PPP1R12B: variants seen among roughly 807,000 people sequenced by gnomAD.
PPP1R12B encodes the protein myosin phosphatase target subunit 2.
In PPP1R12B, 76 loss-of-function variants were observed where a neutral mutation model predicts 126.1. The observed-to-expected ratio is 0.60, with a 90% CI of 0.50 to 0.73. The LOEUF is 0.73. Among genes scored for constraint, PPP1R12B ranks in the 30% least tolerant of loss-of-function variants. PPP1R12B has a pLI of 0.00. For synonymous variants in PPP1R12B, 356 were observed against 434.7 expected, an observed-to-expected ratio of 0.82 and a Z score of 2.25; for missense variants, 1,052 against 1,205.1, an observed-to-expected ratio of 0.87 and a Z score of 1.88.
chr1:202,410,693 G>C (rs1485690737), intron 1 of PPP1R12B, among the ~76,000 whole-genome samples: 1 of 152,200 alleles, frequency 6.6e-6, no homozygotes, highest in African/African-American at 2.4e-5. Flanking sequence ...GTAAAATCAA[G>C]TATTTTTCCT....
rs1330713251 is a variant in PPP1R12B, at chr1:202,588,934, G to C, written c.*8374G>C. 6.6e-6 allele frequency: 1 copy of C among 152,126 alleles called. No individual in the cohort carries two copies. The highest frequency in any genetic ancestry group is 2.1e-4 in the South Asian group (1 of 4,816). The allele number at this position is 152,126 out of a possible 1,614,324, so 9.4% of individuals were successfully genotyped here. ...ACGGTTATTTCTTGGAAGACACCAG[G>C]TTTAAGTGACAAAGGTGTTGAGGCC... On this transcript the variant is annotated 3_prime_UTR_variant, in exon 24 of 24. Transcript: ENST00000608999.
intron 18 of PPP1R12B, among the ~76,000 whole-genome samples, chr1:202,541,119 T>C (rs1254069774): frequency 1.3e-5 from 2 of 152,202 alleles, no homozygotes; most frequent in Non-Finnish European, 2.9e-5. Flanking sequence ...TTTCAGGAAC[T>C]AGATTGCGCT....
chr1:202,456,307 T>G (rs751823784), intron 13 of PPP1R12B, among the ~76,000 whole-genome samples: 4 of 150,428 alleles, frequency 2.7e-5, no homozygotes, highest in Non-Finnish European at 4.4e-5. Flanking sequence ...GAAAGAAATG[T>G]GAATGGTTTG....
At chr1:202,521,440 AAAATT>A (rs1682777553) in intron 18 of PPP1R12B, among the ~76,000 whole-genome samples, 1 of 152,238 alleles carries the variant, frequency 6.6e-6, no homozygotes, top group African/African-American at 2.4e-5. Context: ...AAAATAAGTT[AAAATT>A]CTCAATATAT....
Position 202,348,818 on chromosome 1 carries a change from G to A in PPP1R12B, c.-34G>A. 1.3e-6 allele frequency: 2 copies of A among 1,589,068 alleles called. No individual in the cohort carries two copies. Among genetic ancestry groups the A allele is most frequent in the East Asian group, 2.2e-5 (1 of 44,616 alleles). Reference sequence around the variant, plus strand: ...CGAGCCCCAACAGTAATTTAGTGTTGGTAGTTTTGGCAGCAGCTGCCGAGG... The same window carrying A: ...CGAGCCCCAACAGTAATTTAGTGTTAGTAGTTTTGGCAGCAGCTGCCGAGG... On this transcript the variant is annotated 5_prime_UTR_variant, in exon 1 of 24. Transcript: ENST00000608999.
chr1:202,396,003 G>C (rs906976321), intron 1 of PPP1R12B, among the ~76,000 whole-genome samples: 1 of 152,164 alleles, frequency 6.6e-6, no homozygotes, highest in Non-Finnish European at 1.5e-5. Flanking sequence ...TCTCTGGAAT[G>C]ATCATTTCAT....
chr1:202,456,248 G>A (rs1277255364), intron 13 of PPP1R12B, among the ~76,000 whole-genome samples: 11 of 150,368 alleles, frequency 7.3e-5, no homozygotes, highest in African/African-American at 2.5e-4. Flanking sequence ...CAGCCTGGGC[G>A]ACAGAGCAAG....
At chr1:202,555,893 T>A (rs1259768746) in intron 18 of PPP1R12B, among the ~76,000 whole-genome samples, 1 of 151,602 alleles carries the variant, frequency 6.6e-6, no homozygotes, top group African/African-American at 2.4e-5. Flanking sequence ...TTTTTTTTTT[T>A]GAGACAGAGT....
intron 10 of PPP1R12B, chr1:202,438,863 C>T: frequency 8.1e-7 from 1 of 1,230,432 alleles, no homozygotes. Flanking sequence ...ACTCCATCTA[C>T]TGCTATAGCC....
chr1:202,366,411 C>T (rs536551374), intron 1 of PPP1R12B, among the ~76,000 whole-genome samples: 14 of 149,420 alleles, frequency 9.4e-5, no homozygotes, highest in East Asian at 4.0e-4. Flanking sequence ...CCCAGCTACT[C>T]GGGAGGCTGA....
At chr1:202,430,651 A>G (rs2148660382) in intron 6 of PPP1R12B, 80 bp from the exon 7 acceptor site, 1 of 1,477,450 alleles carries the variant, frequency 6.8e-7, no homozygotes, top group South Asian at 1.2e-5. Flanking sequence ...GAATGACAGT[A>G]CCATTTTGGT....
intron 13 of PPP1R12B, among the ~76,000 whole-genome samples, chr1:202,459,635 GC>G (rs1328704868): frequency 6.6e-6 from 1 of 152,146 alleles, no homozygotes; most frequent in African/African-American, 2.4e-5. Context: ...GAATGCTGAG[GC>G]CCTAAGAGCA....
At chr1:202,349,905 G>T (rs1024397597) in intron 1 of PPP1R12B, among the ~76,000 whole-genome samples, 2 of 151,976 alleles carry the variant, frequency 1.3e-5, no homozygotes, top group African/African-American at 4.8e-5. Context: ...ATCTGTGCTT[G>T]GTAACGACAC....
At chr1:202,372,996 A>T (rs1660561805) in intron 1 of PPP1R12B, among the ~76,000 whole-genome samples, 2 of 151,686 alleles carry the variant, frequency 1.3e-5, no homozygotes, top group African/African-American at 4.8e-5. Flanking sequence ...GTACACTGGC[A>T]CTATCTTGGC....
rs113569795 is a variant in PPP1R12B at position 202,546,350 on chromosome 1, A to G, written c.2491-12527A>G. Among the ~76,000 whole-genome samples the G allele has an allele frequency of 8.2e-3, 1,243 of 152,292 alleles. 20 individuals are homozygous for G. The highest frequency in any genetic ancestry group is 0.028 in the African/African-American group (1,162 of 41,564). On this transcript the variant is annotated intron_variant, in intron 18 of 23. Transcript: ENST00000608999. ...TCAGGTGCAGGGGCTCACACCTGTA[A>G]TTCCAGCATTTTGGGAGGCAGAGAT...
At chr1:202,425,821 G>A (rs1669432327) in intron 4 of PPP1R12B, 96 bp downstream of exon 4, 1 of 1,245,520 alleles carries the variant, frequency 8.0e-7, no homozygotes, top group Non-Finnish European at 1.1e-6. Context: ...GCTATGACGT[G>A]TTTCCTTTTT....
chr1:202,377,159 A>G (rs1457636783), intron 1 of PPP1R12B, among the ~76,000 whole-genome samples: 1 of 152,180 alleles, frequency 6.6e-6, no homozygotes, highest in African/African-American at 2.4e-5. Context: ...CGGGATAATT[A>G]TGGAATGAAT....
chr1:202,456,527 G>T (rs1023130129), intron 13 of PPP1R12B, among the ~76,000 whole-genome samples: 1 of 152,192 alleles, frequency 6.6e-6, no homozygotes, highest in Non-Finnish European at 1.5e-5. Context: ...TGGACACTCA[G>T]ATTTTAATGC....
chr1:202,377,341 C>G (rs548303242), intron 1 of PPP1R12B, among the ~76,000 whole-genome samples: 2 of 148,766 alleles, frequency 1.3e-5, no homozygotes, highest in African/African-American at 2.5e-5. Flanking sequence ...TTCGCTCTGT[C>G]GCCCAGGCTG....
Sources: gnomAD v4.1 joint callset for allele counts (sites outside exome capture counted in the v4.1 genomes callset) on GRCh38, gnomAD v4.1.1 for gene constraint, MANE v1.5 for transcripts, NCBI Gene and HGNC (gene_info 2026-07-23, HGNC 2026-07-21) for gene names.